CCDC191: variants seen among roughly 807,000 people sequenced by gnomAD.
The protein encoded by CCDC191 is coiled-coil domain containing 191, also known as coiled-coil domain-containing protein 191.
In CCDC191, 99 loss-of-function variants were observed where a neutral mutation model predicts 114.0. The ratio of observed to expected loss-of-function variants is 0.87; its 90% confidence interval spans 0.74 to 1.03. The LOEUF (loss-of-function observed/expected upper bound fraction) is 1.03, where lower values mean the gene tolerates loss of function less well. CCDC191 is among the 50% of genes least tolerant of loss of function. The pLI, the probability that CCDC191 is intolerant of heterozygous loss-of-function variation, is 0.00. For missense variants in CCDC191, 973 were observed against 1,087.0 expected, an observed-to-expected ratio of 0.90 and a Z score of 1.47; for synonymous variants, 351 against 376.0, an observed-to-expected ratio of 0.93 and a Z score of 0.77.
At chr3:113,965,993 C>A (rs1327159476) in intron 16 of CCDC191, among the ~76,000 whole-genome samples, 3 of 152,220 alleles carry the variant, frequency 2.0e-5, no homozygotes, top group Middle Eastern at 6.8e-3. Context: ...ACGAGGCACA[C>A]TCCTGAGTTG....
chr3:114,025,930 G>A (rs540547295), intron 7 of CCDC191, among the ~76,000 whole-genome samples: 10 of 152,262 alleles, frequency 6.6e-5, no homozygotes, highest in Non-Finnish European at 1.0e-4. Flanking sequence ...AGACAATGAC[G>A]TGATGTCTTT....
chr3:114,004,703 G>A lies in CCDC191; in HGVS notation c.1912C>T (p.Arg638Ter), dbSNP rs371532208. Reference sequence around the variant, plus strand: ...CTTCTGAGTCCAGAAAGAGAATTTCGGGAGTCACTTCTGCCTTCAGTCCCA... The same window carrying A: ...CTTCTGAGTCCAGAAAGAGAATTTCAGGAGTCACTTCTGCCTTCAGTCCCA... ...SPGTEGRSDS[R>*]NSLSGLRRKP... Residue 638 changes from arginine (R) to a stop codon, truncating the protein, a stop_gained, in exon 11 of 17, where the codon CGA (arginine) becomes TGA (stop). Transcript: ENST00000295878. LOFTEE classifies it high-confidence loss of function. 62 of 1,612,130 alleles carry A rather than the reference G, an allele frequency of 3.8e-5. No homozygotes were observed. Among genetic ancestry groups the A allele is most frequent in the Middle Eastern group, 1.7e-4 (1 of 5,944 alleles).
chr3:114,033,279 T>C (rs537325936), intron 6 of CCDC191, among the ~76,000 whole-genome samples: 1 of 152,134 alleles, frequency 6.6e-6, no homozygotes, highest in East Asian at 1.9e-4. Context: ...TCCATATTTC[T>C]ACCCAGAAAA....
At chr3:114,004,050 C>T in intron 11 of CCDC191, 1 of 969,860 alleles carries the variant, frequency 1.0e-6, no homozygotes, top group Admixed American at 6.2e-5. Flanking sequence ...GGGAGGACTC[C>T]TTGAGGCCAG....
chr3:114,039,212 A>G lies in CCDC191; in HGVS notation c.416-2426T>C, dbSNP rs1263298834. The stretch of plus-strand genomic sequence containing the variant: ...CTTAGAGTCTATTCCTACTTATTAG[A>G]AAAAAAAATTGGGCTGGGCACAGTG... On this transcript the variant is annotated intron_variant, in intron 4 of 16. Coordinates refer to ENST00000295878, the MANE Select transcript of CCDC191 (RefSeq NM_020817.2). 2.6e-5 allele frequency among the ~76,000 whole-genome samples: 4 copies of G among 151,566 alleles called. No individual in the cohort carries two copies. In the East Asian group the frequency reaches 7.7e-4, roughly 29 times the overall value.
At chr3:113,984,159 T>C (rs2075271542) in intron 13 of CCDC191, 1 of 152,174 alleles carries the variant, frequency 6.6e-6, no homozygotes, top group African/African-American at 2.4e-5. Context: ...TGGGCTTATC[T>C]CATAATATCT....
At chr3:114,007,405 T>C (rs376404738) in intron 9 of CCDC191, among the ~76,000 whole-genome samples, 4 of 152,336 alleles carry the variant, frequency 2.6e-5, no homozygotes, top group East Asian at 3.9e-4. Flanking sequence ...AAATGAAAGA[T>C]GTGATATATG....
At position 113,980,597 on chromosome 3, in the gene CCDC191, C is replaced by T; in HGVS notation, c.2307+53G>A. The T allele has an allele frequency of 4.0e-6, 6 of 1,496,630 alleles. No individual in the cohort carries two copies. In the South Asian group the frequency reaches 8.2e-5, roughly 20 times the overall value. 92.7% of individuals were successfully genotyped at this position (1,496,630 alleles called of 1,614,324 possible). Reference sequence around the variant, plus strand: ...CCCCAAGCTTAACTGGGCATCCATCCTATTTGGAAAAGTCCATTTTCTAAT... The same window carrying T: ...CCCCAAGCTTAACTGGGCATCCATCTTATTTGGAAAAGTCCATTTTCTAAT... On this transcript the variant is annotated intron_variant, in intron 14 of 16. Transcript: ENST00000295878.
chr3:113,980,585 T>G (rs2075112953), intron 14 of CCDC191, 65 bp downstream of exon 14: 1 of 1,434,062 alleles, frequency 7.0e-7, no homozygotes, highest in Non-Finnish European at 9.3e-7. Context: ...CAAGCTTAAC[T>G]GGGCATCCAT....
At chr3:113,990,402 C>G (rs921175946) in intron 13 of CCDC191, among the ~76,000 whole-genome samples, 1 of 151,852 alleles carries the variant, frequency 6.6e-6, no homozygotes, top group Admixed American at 6.6e-5. Context: ...AAAAAAAGAA[C>G]TGAATAGCTC....
chr3:114,036,986 C>A, intron 4 of CCDC191, 200 bp from the exon 5 acceptor site: 1 of 286,590 alleles, frequency 3.5e-6, no homozygotes, highest in African/African-American at 2.2e-5. Flanking sequence ...CTCCACTTAC[C>A]AAGAATTGCC....
At chr3:114,040,084 A>G (rs2076540378) in intron 4 of CCDC191, among the ~76,000 whole-genome samples, 1 of 152,172 alleles carries the variant, frequency 6.6e-6, no homozygotes, top group African/African-American at 2.4e-5. Context: ...TACCCTTTAT[A>G]TACTGCATAT....
intron 16 of CCDC191, among the ~76,000 whole-genome samples, chr3:113,968,575 C>T (rs1400337893): frequency 1.3e-5 from 2 of 151,650 alleles, no homozygotes; most frequent in African/African-American, 2.4e-5. Context: ...TCAGCCTCCC[C>T]AGTAGCTGGG....
chr3:113,970,283 C>T (rs76354553), intron 16 of CCDC191, among the ~76,000 whole-genome samples: 1,694 of 152,180 alleles, frequency 0.011, 37 homozygotes, highest in African/African-American at 0.038. Flanking sequence ...AGTATAAGAG[C>T]ATGTCATCCG....
intron 16 of CCDC191, among the ~76,000 whole-genome samples, chr3:113,970,839 T>C (rs893850308): frequency 2.2e-4 from 33 of 152,114 alleles, no homozygotes; most frequent in Admixed American, 1.5e-3. Flanking sequence ...GTCCTTGCGA[T>C]AGTTTGCTGA....
intron 13 of CCDC191, among the ~76,000 whole-genome samples, chr3:113,997,112 T>C (rs1345831381): frequency 6.6e-6 from 1 of 152,198 alleles, no homozygotes; most frequent in East Asian, 1.9e-4. Context: ...CGTTGGGGTT[T>C]GGGTAATCAG....
intron 7 of CCDC191, among the ~76,000 whole-genome samples, chr3:114,020,969 A>G (rs2076235641): frequency 6.6e-6 from 1 of 152,170 alleles, no homozygotes; most frequent in Admixed American, 6.6e-5. Context: ...TGTAGATATT[A>G]TTATGATTTA....
At chr3:114,050,990 G>C (rs2076692121) in intron 2 of CCDC191, among the ~76,000 whole-genome samples, 1 of 152,080 alleles carries the variant, frequency 6.6e-6, no homozygotes, top group African/African-American at 2.4e-5. Flanking sequence ...CCTGATTCTA[G>C]GTGATTTCAA....
At chr3:114,053,660 C>T (rs960344008) in intron 1 of CCDC191, 25 bp from the exon 2 acceptor site, 3 of 1,499,970 alleles carry the variant, frequency 2.0e-6, no homozygotes, top group Non-Finnish European at 2.8e-6. Flanking sequence ...TATATGATAT[C>T]AATACGCAGC....
Sources: gnomAD v4.1 joint callset for allele counts (sites outside exome capture counted in the v4.1 genomes callset) on GRCh38, gnomAD v4.1.1 for gene constraint, MANE v1.5 for transcripts, NCBI Gene and HGNC (gene_info 2026-07-23, HGNC 2026-07-21) for gene names.